Variants in GRIA4 observed in about 807,000 individuals in gnomAD.
GRIA4 encodes the protein glutamate receptor 4.
GRIA4 carries 34 observed loss-of-function variants against 104.0 expected under a neutral mutation model. The observed-to-expected ratio is 0.33, with a 90% confidence interval of 0.25 to 0.44. The LOEUF is 0.44. GRIA4 is among the 20% of genes least tolerant of loss of function. The pLI is 1.00. For missense variants in GRIA4, 750 were observed against 1,096.5 expected, an observed-to-expected ratio of 0.68 and a Z score of 4.46; for synonymous variants, 386 against 381.9, an observed-to-expected ratio of 1.01 and a Z score of -0.13.
chr11:105,900,960 A>C (rs1398870646), intron 7 of GRIA4, among the ~76,000 whole-genome samples: 1 of 143,794 alleles, frequency 7.0e-6, no homozygotes, highest in Non-Finnish European at 1.5e-5. Context: ...AAAAATATAT[A>C]TATATATATA....
chr11:105,672,192 G>A (rs1952396445), intron 3 of GRIA4, among the ~76,000 whole-genome samples: 1 of 152,116 alleles, frequency 6.6e-6, no homozygotes, highest in Non-Finnish European at 1.5e-5. Context: ...CAATTCTTGT[G>A]CCATTTCAGG....
chr11:105,655,328 T>A (rs1033869791), intron 3 of GRIA4, among the ~76,000 whole-genome samples: 5 of 152,132 alleles, frequency 3.3e-5, no homozygotes, highest in African/African-American at 1.2e-4. Flanking sequence ...TTTTGTATAG[T>A]AAGGGATAGT....
intron 9 of GRIA4, among the ~76,000 whole-genome samples, chr11:105,909,062 T>C (rs577008698): frequency 1.1e-3 from 164 of 152,276 alleles, no homozygotes; most frequent in African/African-American, 2.7e-3. Flanking sequence ...ACAGGGACTA[T>C]TGAAAAAACT....
intron 5 of GRIA4, among the ~76,000 whole-genome samples, chr11:105,878,522 C>A (rs1945920137): frequency 1.3e-5 from 2 of 152,210 alleles, no homozygotes; most frequent in South Asian, 4.1e-4. Flanking sequence ...CACAGCCACC[C>A]CTTCCCCCAG....
At chr11:105,851,560 T>A (rs1205340732) in intron 4 of GRIA4, among the ~76,000 whole-genome samples, 2 of 152,080 alleles carry the variant, frequency 1.3e-5, no homozygotes, top group African/African-American at 2.4e-5. Flanking sequence ...TCTGAAATGG[T>A]CTGAAGCTGA....
At chr11:105,646,571 C>T (rs574244192) in intron 3 of GRIA4, among the ~76,000 whole-genome samples, 2 of 152,260 alleles carry the variant, frequency 1.3e-5, no homozygotes, top group South Asian at 4.1e-4. Context: ...ACCTAAACAG[C>T]TTGGTACTGG....
intron 3 of GRIA4, among the ~76,000 whole-genome samples, chr11:105,618,565 G>C (rs1950659396): frequency 6.6e-6 from 1 of 151,990 alleles, no homozygotes; most frequent in Non-Finnish European, 1.5e-5. Flanking sequence ...TTTAGATAGT[G>C]AGTAAAGAAG....
At chr11:105,872,014 A>T (rs139736673) in intron 5 of GRIA4, among the ~76,000 whole-genome samples, 147 of 152,242 alleles carry the variant, frequency 9.7e-4, no homozygotes, top group African/African-American at 3.2e-3. Context: ...GAGGTGAGTG[A>T]AAGATAATGC....
intron 4 of GRIA4, among the ~76,000 whole-genome samples, chr11:105,842,024 C>A (rs1469218230): frequency 6.6e-6 from 1 of 151,994 alleles, no homozygotes; most frequent in East Asian, 1.9e-4. Flanking sequence ...CACATCAAGT[C>A]CCAGGGAAGA....
chr11:105,845,776 T>A (rs796376794), intron 4 of GRIA4, among the ~76,000 whole-genome samples: 4 of 151,918 alleles, frequency 2.6e-5, no homozygotes, highest in African/African-American at 9.7e-5. Flanking sequence ...CCCAGCTAGT[T>A]GGGAGGCTGA....
intron 3 of GRIA4, among the ~76,000 whole-genome samples, chr11:105,628,171 A>G (rs948202371): frequency 6.6e-6 from 1 of 152,168 alleles, no homozygotes; most frequent in Non-Finnish European, 1.5e-5. Context: ...AGTTTGCAAG[A>G]TATGGTTATT....
chr11:105,875,003 G>GC (rs1945761698), intron 5 of GRIA4, among the ~76,000 whole-genome samples: 1 of 152,142 alleles, frequency 6.6e-6, no homozygotes, highest in African/African-American at 2.4e-5. Context: ...GTTTTCAAAG[G>GC]GAATGCTTCC....
At chr11:105,919,412 T>A (rs924145572) in intron 11 of GRIA4, among the ~76,000 whole-genome samples, 2 of 152,150 alleles carry the variant, frequency 1.3e-5, no homozygotes, top group African/African-American at 4.8e-5. Flanking sequence ...TATTAAATAT[T>A]CATCAATAAT....
chr11:105,972,597 AAT>A, intron 15 of GRIA4, among the ~76,000 whole-genome samples: 1 of 152,284 alleles, frequency 6.6e-6, no homozygotes, highest in Admixed American at 6.5e-5. Context: ...TTAATTAATC[AAT>A]GTTTATGAAT....
intron 14 of GRIA4, among the ~76,000 whole-genome samples, chr11:105,947,088 C>G (rs9804468): frequency 0.072 from 10,880 of 152,156 alleles, 417 homozygotes; most frequent in African/African-American, 0.099. Context: ...AAGACTCATT[C>G]AAACTAAGTA....
chr11:105,870,049 A>G (rs910999018), intron 5 of GRIA4, among the ~76,000 whole-genome samples: 2 of 151,976 alleles, frequency 1.3e-5, no homozygotes, highest in African/African-American at 4.8e-5. Flanking sequence ...TCCCAGGGCC[A>G]TATATACCAA....
At chr11:105,969,083 T>C (rs113377054) in intron 14 of GRIA4, among the ~76,000 whole-genome samples, 19 of 152,340 alleles carry the variant, frequency 1.2e-4, no homozygotes, top group African/African-American at 4.1e-4. Context: ...GTAAGTGTTA[T>C]TATACCAAAT....
chr11:105,933,073 T>A (rs1555051673), intron 13 of GRIA4, among the ~76,000 whole-genome samples: 5 of 149,062 alleles, frequency 3.4e-5, no homozygotes, highest in Middle Eastern at 3.4e-3. Context: ...ATCCCATCTT[T>A]AAAAAAATTT....
At chr11:105,960,179 T>C (rs1948700507) in intron 14 of GRIA4, among the ~76,000 whole-genome samples, 1 of 152,196 alleles carries the variant, frequency 6.6e-6, no homozygotes. Context: ...GACCCACCCA[T>C]GTGAGCTGCC....
Sources: allele counts gnomAD v4.1 joint callset (sites outside exome capture counted in the v4.1 genomes callset), GRCh38; gene constraint gnomAD v4.1.1; transcripts MANE v1.5; gene names NCBI Gene and HGNC (gene_info 2026-07-23, HGNC 2026-07-21).